TAPBPL: variants seen among roughly 807,000 people sequenced by gnomAD.
The protein encoded by TAPBPL is TAP binding protein like, also known as tapasin-related protein.
In TAPBPL, 32 loss-of-function variants were observed where a neutral mutation model predicts 44.8. The observed-to-expected ratio is 0.71, with a 90% CI of 0.54 to 0.96. The LOEUF (loss-of-function observed/expected upper bound fraction) is 0.96. Ranked by LOEUF, TAPBPL falls within the 40% of genes least tolerant of loss-of-function variation. The pLI is 0.00. For missense variants in TAPBPL, 520 were observed against 586.6 expected, an observed-to-expected ratio of 0.89 and a Z score of 1.17; for synonymous variants, 230 against 240.7, an observed-to-expected ratio of 0.96 and a Z score of 0.41.
chr12:6,452,147 C>T lies in TAPBPL; in HGVS notation c.-102C>T, dbSNP rs1949562843. 5.1e-6 allele frequency: 7 copies of T among 1,379,940 alleles called. No individual in the cohort carries two copies. 85.5% of individuals were successfully genotyped at this position (1,379,940 alleles called of 1,614,324 possible). On this transcript the variant is annotated 5_prime_UTR_variant, in exon 1 of 7. Transcript: ENST00000266556. ...GAAGAAACCTAAAGGCTGCAGGCTG[C>T]CAGGTGTGCTTGGAGAGCCCCCTTC...
In TAPBPL at chr12:6,453,215, C is replaced by A; in HGVS notation, c.213C>A (p.Asp71Glu). The change falls in exon 2 of 7, where the codon GAC (aspartate) becomes GAA (glutamate). Residue 71 changes from aspartate to glutamate, a missense_variant. Coordinates refer to ENST00000266556, the MANE Select transcript of TAPBPL (RefSeq NM_018009.5). The surrounding 1 kb of genome is among the most constrained non-coding windows in gnomAD (Gnocchi z 4.8). The part of the protein sequence containing the change: ...SLVLKQVPVL[D>E]DGSLEDFTDF... ...TGCTGAAGCAGGTGCCAGTGCTGGA[C>A]GATGGCTCCCTGGAGGACTTCACCG... The A allele has an allele frequency of 6.2e-7, 1 of 1,613,748 alleles. No homozygotes were observed. Among genetic ancestry groups the A allele is most frequent in the Non-Finnish European group, 8.5e-7 (1 of 1,179,868 alleles).
chr12:6,452,406 C>T, intron 1 of TAPBPL, 94 bp downstream of exon 1: 9 of 1,485,392 alleles, frequency 6.1e-6, no homozygotes, highest in Non-Finnish European at 8.1e-6. Context: ...GCAAAGGGGC[C>T]GGGGATGACC....
chr12:6,466,150 G>T, downstream of TAPBPL: 1 of 1,612,316 alleles, frequency 6.2e-7, no homozygotes, highest in East Asian at 2.2e-5. Context: ...GAAAAAAGGA[G>T]AAAAGATAAG....
At chr12:6,456,861 C>G (rs149809833) in intron 3 of TAPBPL, among the ~76,000 whole-genome samples, 3,264 of 152,244 alleles carry the variant, frequency 0.021, 119 homozygotes, top group African/African-American at 0.074. Flanking sequence ...CCATGTTGGC[C>G]AGGCTGGTCT....
Position 6,452,285 on chromosome 12 carries a change from C to T in TAPBPL, c.37C>T (p.Leu13=). Residue 13 remains leucine (L), a synonymous_variant, in exon 1 of 7, where the codon CTG becomes TTG. Transcript: ENST00000266556. ...TQEGWCLLLC[L]ALSGAAETKP... ...GGAGGGCTGGTGCCTGCTGCTCTGC[C>T]TGGCTCTATCTGGAGCAGCAGAAAC... is the stretch of plus-strand genomic sequence containing the variant. 6.3e-7 allele frequency: 1 copy of T among 1,575,000 alleles called. No homozygotes were observed. Among genetic ancestry groups the T allele is most frequent in the Non-Finnish European group, 8.6e-7 (1 of 1,160,874 alleles).
chr12:6,462,505 T>C, downstream of TAPBPL: 1 of 492,852 alleles, frequency 2.0e-6, no homozygotes, highest in Non-Finnish European at 3.6e-6. Flanking sequence ...CTCATGCACA[T>C]GGGTGGTGGG....
intron 3 of TAPBPL, among the ~76,000 whole-genome samples, chr12:6,454,421 T>C (rs1296452069): frequency 6.6e-6 from 1 of 152,048 alleles, no homozygotes; most frequent in Non-Finnish European, 1.5e-5. Context: ...TGAGCCGAGA[T>C]TGCGCCACTG....
intron 6 of TAPBPL, 135 bp from the exon 7 acceptor site, chr12:6,461,899 C>T: frequency 1.5e-6 from 1 of 656,190 alleles, no homozygotes; most frequent in Admixed American, 2.9e-5. Context: ...TGGGCACATC[C>T]CCTGGGACAG....
chr12:6,452,673 C>A, intron 1 of TAPBPL: 1 of 1,169,662 alleles, frequency 8.5e-7, no homozygotes, highest in Non-Finnish European at 1.1e-6. Flanking sequence ...GAAGGCTACC[C>A]GAAATGGGAG....
intron 1 of TAPBPL, chr12:6,452,664 A>G: frequency 8.2e-7 from 1 of 1,222,592 alleles, no homozygotes; most frequent in Non-Finnish European, 1.0e-6. Flanking sequence ...GGGGGAGGGG[A>G]AGGCTACCCG....
intron 6 of TAPBPL, 99 bp from the exon 7 acceptor site, chr12:6,461,935 G>A (rs1187958908): frequency 1.1e-6 from 1 of 932,006 alleles, no homozygotes; most frequent in African/African-American, 1.6e-5. Context: ...GACCTAGGAA[G>A]GAGCACAGGA....
Position 6,457,763 on chromosome 12 carries a change from T to C in TAPBPL, c.904+19T>C. 4 of 1,547,828 alleles carry C rather than the reference T, an allele frequency of 2.6e-6. No homozygotes were observed. The highest frequency in any genetic ancestry group is 3.5e-6 in the Non-Finnish European group (4 of 1,141,788). On this transcript the variant is annotated intron_variant, in intron 4 of 6. Coordinates refer to ENST00000266556, the MANE Select transcript of TAPBPL (RefSeq NM_018009.5). ...ATCCAAGGTGAGGCCAGGACATGGT[T>C]ATCCCAGGGAAGGGGATATAACATG...
In TAPBPL at chr12:6,457,527, G is replaced by A; in HGVS notation, c.687G>A (p.Leu229=). ...GLDLISVEWR[L]QHKGRGQLVY... ...ACCTCATCAGTGTGGAGTGGCGACT[G>A]CAGCACAAGGGCAGGGGTCAGTTGG... Residue 229 remains leucine, a synonymous_variant, in exon 4 of 7, where the codon CTG becomes CTA. Transcript: ENST00000266556. 1 of 1,614,252 alleles carries A rather than the reference G, an allele frequency of 6.2e-7. No homozygotes were observed. Among genetic ancestry groups the A allele is most frequent in the Non-Finnish European group, 8.5e-7 (1 of 1,180,056 alleles).
chr12:6,462,847 G>A (rs746408132), downstream of TAPBPL: 1 of 1,606,494 alleles, frequency 6.2e-7, no homozygotes, highest in African/African-American at 1.3e-5. Flanking sequence ...CCCGCCCTTG[G>A]GCAGGACGAA....
intron 3 of TAPBPL, among the ~76,000 whole-genome samples, chr12:6,456,364 CTT>C (rs542812394): frequency 5.2e-5 from 7 of 134,326 alleles, no homozygotes; most frequent in African/African-American, 1.1e-4. Flanking sequence ...CTATCACATG[CTT>C]TTTTTTTTTT....
At chr12:6,470,856 G>T (rs575593489), downstream of TAPBPL, 2 of 475,422 alleles carry the variant, frequency 4.2e-6, no homozygotes, top group African/African-American at 3.9e-5. Flanking sequence ...GAAAGGAGCG[G>T]TTGCTGTGAG....
rs1211800031 is a variant in TAPBPL at position 6,452,181 on chromosome 12, G to A, written c.-68G>A. On this transcript the variant is annotated 5_prime_UTR_variant, in exon 1 of 7. Coordinates refer to ENST00000266556, the MANE Select transcript of TAPBPL (RefSeq NM_018009.5). ...CTTGGAGAGCCCCCTTCTTCCGCCG[G>A]GCCTCGCAAGCAGCGTAGGACTGTG... 1.3e-6 allele frequency: 2 copies of A among 1,540,462 alleles called. No individual in the cohort carries two copies. Among genetic ancestry groups the A allele is most frequent in the Non-Finnish European group, 1.8e-6 (2 of 1,137,814 alleles).
chr12:6,455,102 T>C (rs753468258), intron 3 of TAPBPL, among the ~76,000 whole-genome samples: 4 of 152,140 alleles, frequency 2.6e-5, no homozygotes, highest in Non-Finnish European at 5.9e-5. Flanking sequence ...AATAATATAA[T>C]GAACACCTAT....
rs779652370 is a variant in TAPBPL at position 6,457,777 on chromosome 12, G to C, written c.904+33G>C. On this transcript the variant is annotated intron_variant, in intron 4 of 6. Transcript: ENST00000266556. Reference sequence around the variant, plus strand: ...CAGGACATGGTTATCCCAGGGAAGGGGATATAACATGTCTACTGGGAGCGT... The same window carrying C: ...CAGGACATGGTTATCCCAGGGAAGGCGATATAACATGTCTACTGGGAGCGT... The C allele has an allele frequency of 7.9e-6, 12 of 1,516,950 alleles. No homozygotes were observed. The East Asian group carries it at 2.8e-4, about 35-fold the overall frequency. The allele number at this position is 1,516,950 out of a possible 1,614,324, so 94.0% of individuals were successfully genotyped here.
Sources: allele counts gnomAD v4.1 joint callset (sites outside exome capture counted in the v4.1 genomes callset), GRCh38; gene constraint gnomAD v4.1.1; non-coding constraint Gnocchi (gnomAD v3.1); transcripts MANE v1.5; gene names NCBI Gene and HGNC (gene_info 2026-07-23, HGNC 2026-07-21).